Variants in PRKAA2 observed in about 807,000 individuals in gnomAD.
PRKAA2 encodes 5'-AMP-activated protein kinase catalytic subunit alpha-2.
In PRKAA2, 40 loss-of-function variants were observed where a neutral mutation model predicts 56.3. The observed-to-expected ratio is 0.71, with a 90% CI of 0.55 to 0.92. The LOEUF (loss-of-function observed/expected upper bound fraction) is 0.92, where lower values mean the gene tolerates loss of function less well. Ranked by LOEUF, PRKAA2 falls within the 40% of genes least tolerant of loss-of-function variation. The pLI is 0.00. For synonymous variants in PRKAA2, 214 were observed against 234.2 expected (o/e 0.91, Z 0.79); for missense variants, 542 against 686.9 (o/e 0.79, Z 2.36).
At chr1:56,658,431 G>C (rs1292187002) in intron 1 of PRKAA2, among the ~76,000 whole-genome samples, 4 of 152,104 alleles carry the variant, frequency 2.6e-5, no homozygotes, top group Non-Finnish European at 5.9e-5. Flanking sequence ...TTAAGAGAGG[G>C]CATGGTTTAT....
In PRKAA2 at chr1:56,692,602, T is replaced by C. The variant is rs1403542827; in HGVS notation, c.475+100T>C. 4 of 1,232,628 alleles carry C rather than the reference T, an allele frequency of 3.2e-6. No individual in the cohort carries two copies. In the African/African-American group the frequency reaches 6.3e-5, roughly 19 times the overall value. 76.4% of individuals were successfully genotyped at this position (1,232,628 alleles called of 1,614,324 possible). A position where few individuals can be genotyped will look rare whatever the true frequency, so the allele number is the denominator to read the frequency against. On this transcript the variant is annotated intron_variant, in intron 4 of 8. Coordinates refer to ENST00000371244, the MANE Select transcript of PRKAA2 (RefSeq NM_006252.4). ...TTACTTTTCAACCTTGTACGTTCTG[T>C]ACCATGAAAAGGAATTAGCTGAAAT... is the stretch of plus-strand genomic sequence containing the variant.
chr1:56,672,172 C>T (rs1010057121), intron 1 of PRKAA2, among the ~76,000 whole-genome samples: 1 of 152,134 alleles, frequency 6.6e-6, no homozygotes, highest in Non-Finnish European at 1.5e-5. Flanking sequence ...GGCTGTATTG[C>T]AGTGGCACCA....
chr1:56,675,192 AT>A (rs1214331325), intron 2 of PRKAA2, among the ~76,000 whole-genome samples: 1 of 152,150 alleles, frequency 6.6e-6, no homozygotes, highest in African/African-American at 2.4e-5. Context: ...TCTTTCAGTC[AT>A]TTAAAGTTGC....
At chr1:56,705,553 A>C (rs1358791674) in intron 7 of PRKAA2, among the ~76,000 whole-genome samples, 3 of 151,572 alleles carry the variant, frequency 2.0e-5, no homozygotes, top group Non-Finnish European at 4.4e-5. Context: ...CTGCCACCAC[A>C]CTCGGCTGAT....
rs1644360507 is a variant in PRKAA2, at chr1:56,710,191, A to G, written c.*2478A>G. 6.6e-6 allele frequency: 1 copy of G among 152,084 alleles called. No individual in the cohort carries two copies. Among genetic ancestry groups the G allele is most frequent in the Admixed American group, 6.6e-5 (1 of 15,258 alleles). 9.4% of individuals were successfully genotyped at this position (152,084 alleles called of 1,614,324 possible). On this transcript the variant is annotated 3_prime_UTR_variant, in exon 9 of 9. Transcript: ENST00000371244. ...ATTTCCTCCAGTGAAGACACGGGAGAAGAGCTTCTATTATGAGGTTATAGA... is the reference window on the plus strand; with the variant it reads ...ATTTCCTCCAGTGAAGACACGGGAGGAGAGCTTCTATTATGAGGTTATAGA...
At position 56,706,115 on chromosome 1, in the gene PRKAA2, T is replaced by C; in HGVS notation, c.1317T>C (p.Arg439=). The change falls in exon 8 of 9, where the codon CGT becomes CGC. Residue 439 remains arginine, a synonymous_variant. Coordinates refer to ENST00000371244, the MANE Select transcript of PRKAA2 (RefSeq NM_006252.4). ...AGGTAGTGAATGCATACCATCTTCG[T>C]GTAAGAAGAAAAAATCCAGTGACTG... is the stretch of plus-strand genomic sequence containing the variant. ...EWKVVNAYHL[R]VRRKNPVTGN... The C allele has an allele frequency of 1.2e-6, 2 of 1,611,654 alleles. No homozygotes were observed. The highest frequency in any genetic ancestry group is 1.7e-6 in the Non-Finnish European group (2 of 1,177,920).
intron 1 of PRKAA2, among the ~76,000 whole-genome samples, chr1:56,661,635 C>A (rs1206750434): frequency 6.6e-6 from 1 of 151,956 alleles, no homozygotes; most frequent in African/African-American, 2.4e-5. Context: ...TTACACATTC[C>A]TGTACTTGTC....
At chr1:56,664,935 A>G (rs533917936) in intron 1 of PRKAA2, among the ~76,000 whole-genome samples, 202 of 151,812 alleles carry the variant, frequency 1.3e-3, no homozygotes, top group African/African-American at 4.6e-3. Context: ...TGAGGCACGC[A>G]TTACCATTAC....
intron 1 of PRKAA2, among the ~76,000 whole-genome samples, chr1:56,666,800 A>G (rs879367251): frequency 6.6e-6 from 1 of 152,212 alleles, no homozygotes; most frequent in Non-Finnish European, 1.5e-5. Context: ...ATAGCACTAT[A>G]TGAAGTCCTT....
intron 1 of PRKAA2, among the ~76,000 whole-genome samples, chr1:56,647,899 A>G (rs1022904084): frequency 2.0e-5 from 3 of 151,668 alleles, no homozygotes; most frequent in Non-Finnish European, 4.4e-5. Flanking sequence ...GCGTGGTGGT[A>G]GGCGCCTGTA....
At chr1:56,698,826 A>T (rs2100431258) in intron 6 of PRKAA2, among the ~76,000 whole-genome samples, 1 of 152,300 alleles carries the variant, frequency 6.6e-6, no homozygotes, top group East Asian at 1.9e-4. Flanking sequence ...TATTTATTTC[A>T]CATCTGCTCT....
intron 8 of PRKAA2, among the ~76,000 whole-genome samples, chr1:56,706,963 G>T (rs1644335832): frequency 6.6e-6 from 1 of 152,138 alleles, no homozygotes; most frequent in Admixed American, 6.5e-5. Context: ...ACATGTTGTT[G>T]TTATTAAAAC....
At chr1:56,656,995 T>G (rs1643949509) in intron 1 of PRKAA2, among the ~76,000 whole-genome samples, 1 of 152,158 alleles carries the variant, frequency 6.6e-6, no homozygotes, top group South Asian at 2.1e-4. Context: ...GAAGAGATAA[T>G]GGCAGAAAGT....
chr1:56,679,497 G>A (rs575841783), intron 2 of PRKAA2, among the ~76,000 whole-genome samples: 2 of 152,254 alleles, frequency 1.3e-5, no homozygotes, highest in South Asian at 2.1e-4. Flanking sequence ...AGTTTCCCAA[G>A]CCCCAAACTT....
rs1194151288 is a variant in PRKAA2 at position 56,712,519 on chromosome 1, A to C, written c.*4806A>C. ...GAAACTTTAAAACATGATTCTTCTT[A>C]TAATTTTATGTGATTCTTATAGCAC... On this transcript the variant is annotated 3_prime_UTR_variant, in exon 9 of 9. Transcript: ENST00000371244. 1.3e-5 allele frequency: 2 copies of C among 152,312 alleles called. No individual in the cohort carries two copies. The highest frequency in any genetic ancestry group is 6.5e-5 in the Admixed American group (1 of 15,292). 9.4% of individuals were successfully genotyped at this position (152,312 alleles called of 1,614,324 possible).
At chr1:56,697,896 A>C (rs1018417575) in intron 6 of PRKAA2, among the ~76,000 whole-genome samples, 2 of 152,020 alleles carry the variant, frequency 1.3e-5, no homozygotes, top group African/African-American at 4.8e-5. Context: ...AGAAAAATGT[A>C]AATATATTTA....
At chr1:56,672,910 A>T (rs914255914) in intron 1 of PRKAA2, among the ~76,000 whole-genome samples, 2 of 152,176 alleles carry the variant, frequency 1.3e-5, no homozygotes, top group Non-Finnish European at 2.9e-5. Context: ...CTAGAGGAAG[A>T]TACAGGATCA....
chr1:56,708,000 G>A lies in PRKAA2; in HGVS notation c.*287G>A, dbSNP rs1644344242. On this transcript the variant is annotated 3_prime_UTR_variant, in exon 9 of 9. Coordinates refer to ENST00000371244, the MANE Select transcript of PRKAA2 (RefSeq NM_006252.4). ...TTACAATAATGAGTTCACTACAGACGATTAACACACCACACTGGCGAACCA... is the reference window on the plus strand; with the variant it reads ...TTACAATAATGAGTTCACTACAGACAATTAACACACCACACTGGCGAACCA... The A allele has an allele frequency of 7.8e-6, 3 of 386,812 alleles. No individual in the cohort carries two copies. The highest frequency in any genetic ancestry group is 5.7e-5 in the South Asian group (2 of 35,140). The allele number at this position is 386,812 out of a possible 1,614,324, so 24.0% of individuals were successfully genotyped here.
intron 5 of PRKAA2, among the ~76,000 whole-genome samples, chr1:56,695,682 C>T (rs1257233570): frequency 4.6e-5 from 7 of 151,836 alleles, no homozygotes; most frequent in South Asian, 2.1e-4. Context: ...TGTTTTAATT[C>T]GTATGTTTCA....
Sources: allele counts gnomAD v4.1 joint callset (sites outside exome capture counted in the v4.1 genomes callset), GRCh38; gene constraint gnomAD v4.1.1; transcripts MANE v1.5; gene names NCBI Gene and HGNC (gene_info 2026-07-23, HGNC 2026-07-21).